Variants in IL1RAPL1 observed in about 807,000 individuals in gnomAD.
The protein encoded by IL1RAPL1 is interleukin-1 receptor accessory protein-like 1.
IL1RAPL1 carries 3 observed loss-of-function variants against 48.4 expected under a neutral mutation model. The observed-to-expected ratio is 0.06, with a 90% CI of 0.03 to 0.16. IL1RAPL1 has a LOEUF of 0.16. IL1RAPL1 is among the 10% of genes least tolerant of loss of function. The pLI is 1.00. For missense variants in IL1RAPL1, 349 were observed against 530.6 expected, an observed-to-expected ratio of 0.66 and a Z score of 3.36; for synonymous variants, 185 against 187.7, an observed-to-expected ratio of 0.99 and a Z score of 0.12.
intron 2 of IL1RAPL1, among the ~76,000 whole-genome samples, chrX:29,093,997 T>C (rs1485567790): frequency 8.9e-6 from 1 of 112,155 alleles, no homozygotes; most frequent in African/African-American, 3.2e-5. Context: ...TAATCAAGAA[T>C]GTATAAATGT....
At chrX:29,728,369 G>A (rs534757838) in intron 6 of IL1RAPL1, among the ~76,000 whole-genome samples, 6 of 111,745 alleles carry the variant, frequency 5.4e-5, no homozygotes, top group Non-Finnish European at 9.4e-5. Flanking sequence ...CTAACCTACC[G>A]TGAGATTATC....
chrX:28,820,286 A>G (rs1052373817), intron 2 of IL1RAPL1, among the ~76,000 whole-genome samples: 20 of 109,239 alleles, frequency 1.8e-4, no homozygotes, highest in Non-Finnish European at 3.2e-4. Context: ...TTAAATGACT[A>G]TTTTTGAAAA....
intron 2 of IL1RAPL1, among the ~76,000 whole-genome samples, chrX:29,282,610 A>G (rs1347198279): frequency 8.9e-6 from 1 of 112,096 alleles, no homozygotes; most frequent in Non-Finnish European, 1.9e-5. Context: ...ACATATCTCA[A>G]AGGCCCAGAT....
At chrX:29,509,171 C>T (rs1935367385) in intron 5 of IL1RAPL1, among the ~76,000 whole-genome samples, 1 of 111,779 alleles carries the variant, frequency 8.9e-6, no homozygotes, top group African/African-American at 3.3e-5. Context: ...ATCTGTACGG[C>T]AGGCTGTCAG....
At chrX:29,551,082 C>A (rs1406727164) in intron 5 of IL1RAPL1, among the ~76,000 whole-genome samples, 1 of 112,300 alleles carries the variant, frequency 8.9e-6, no homozygotes, top group African/African-American at 3.2e-5. Flanking sequence ...TTTTTGGGTA[C>A]TGGCATATTT....
At chrX:29,876,438 C>A (rs998459975) in intron 6 of IL1RAPL1, among the ~76,000 whole-genome samples, 5 of 111,330 alleles carry the variant, frequency 4.5e-5, no homozygotes, top group Admixed American at 1.9e-4. Flanking sequence ...GAGAAAATAG[C>A]AAAGAGTGAA....
At chrX:29,825,916 C>G (rs777801638) in intron 6 of IL1RAPL1, among the ~76,000 whole-genome samples, 1 of 110,999 alleles carries the variant, frequency 9.0e-6, no homozygotes, top group African/African-American at 3.3e-5. Flanking sequence ...TTCGCCGACT[C>G]GGGTTGAGAG....
intron 1 of IL1RAPL1, among the ~76,000 whole-genome samples, chrX:28,682,879 T>C (rs930881989): frequency 8.9e-6 from 1 of 112,055 alleles, no homozygotes; most frequent in Admixed American, 9.5e-5. Flanking sequence ...ACAAATATAC[T>C]TTCTAGCTCC....
intron 2 of IL1RAPL1, among the ~76,000 whole-genome samples, chrX:28,881,090 A>G (rs964576561): frequency 3.6e-5 from 4 of 111,236 alleles, no homozygotes; most frequent in Non-Finnish European, 7.6e-5. Flanking sequence ...TACTAGAGCC[A>G]GATATACTTT....
chrX:29,265,190 G>A (rs1245095969), intron 2 of IL1RAPL1, among the ~76,000 whole-genome samples: 2 of 111,018 alleles, frequency 1.8e-5, no homozygotes, highest in African/African-American at 6.5e-5. Flanking sequence ...TGGGATTACA[G>A]GCATGAGCCA....
intron 5 of IL1RAPL1, among the ~76,000 whole-genome samples, chrX:29,565,554 C>A (rs1053255633): frequency 8.9e-6 from 1 of 112,183 alleles, no homozygotes; most frequent in African/African-American, 3.2e-5. Flanking sequence ...TTCAGCTTCA[C>A]TGTTAATCAT....
rs187609501 is a variant in IL1RAPL1, at chrX:29,809,008, C to T, written c.779-108456C>T. Among the ~76,000 whole-genome samples the T allele has an allele frequency of 1.8e-3, 201 of 109,457 alleles. 1 individual carries two copies. Among genetic ancestry groups the T allele is most frequent in the African/African-American group, 6.3e-3 (190 of 30,115 alleles). On this transcript the variant is annotated intron_variant, in intron 6 of 10. Transcript: ENST00000378993. ...TTCCTGTATGACAGTCTTTGCTTTTCAACTGGAACTTTTAGTTAATTTTTA... is the reference window on the plus strand; with the variant it reads ...TTCCTGTATGACAGTCTTTGCTTTTTAACTGGAACTTTTAGTTAATTTTTA...
rs765911053 is a variant in IL1RAPL1 at position 29,956,328 on chromosome X, GA to G, written c.*530del. On this transcript the variant is annotated 3_prime_UTR_variant, in exon 11 of 11. Transcript: ENST00000378993. ...CAAATGCCAGCATTGCCATTCGGGG[GA>G]AAAAAAAAAAAAAAAAAAAAAGATG... 684 of 55,776 alleles carry G rather than the reference GA, an allele frequency of 0.012. 2 individuals carry two copies. The highest frequency in any genetic ancestry group is 0.028 in the East Asian group (49 of 1,752). The allele number at this position is 55,776 out of a possible 1,213,427, so 4.6% of individuals were successfully genotyped here.
chrX:28,768,755 C>CTCTCTCTCTCTCTCTCTCTCTCTCTCTA (rs1364972830), intron 1 of IL1RAPL1, among the ~76,000 whole-genome samples: 1 of 34,889 alleles, frequency 2.9e-5, no homozygotes, highest in Non-Finnish European at 4.8e-5. Flanking sequence ...CTCTCTCTCT[C>CTCTCTCTCTCTCTCTCTCTCTCTCTCTA]TATATATATA....
At chrX:28,818,494 G>T (rs1936894657) in intron 2 of IL1RAPL1, among the ~76,000 whole-genome samples, 1 of 110,318 alleles carries the variant, frequency 9.1e-6, no homozygotes, top group African/African-American at 3.3e-5. Flanking sequence ...GTGGCTTAGT[G>T]TAAGAATTTG....
chrX:29,398,247 C>T (rs954362892), intron 4 of IL1RAPL1, among the ~76,000 whole-genome samples: 16 of 111,843 alleles, frequency 1.4e-4, no homozygotes, highest in Admixed American at 1.4e-3. Flanking sequence ...AGAAATAACA[C>T]GAAAATTGCC....
chrX:29,477,587 T>G (rs2147743859), intron 5 of IL1RAPL1, among the ~76,000 whole-genome samples: 1 of 112,400 alleles, frequency 8.9e-6, no homozygotes, highest in East Asian at 2.8e-4. Context: ...AGTGCATCTC[T>G]ATGTCAGTCA....
chrX:29,802,744 AAATTATATATATAT>A (rs1262953047), intron 6 of IL1RAPL1, among the ~76,000 whole-genome samples: 1 of 55,473 alleles, frequency 1.8e-5, no homozygotes, highest in Non-Finnish European at 3.5e-5. Flanking sequence ...TCTGAGGAAA[AAATTATATATATAT>A]ATATATATAT....
rs140478486 is a variant in IL1RAPL1 at position 29,696,668 on chromosome X, A to G, written c.778+28164A>G. ...ATATCGTTGCTTACCGCAGTTGGTC[A>G]ACATGAGCTTGGTTTGAGAAAGGAG... On this transcript the variant is annotated intron_variant, in intron 6 of 10. Transcript: ENST00000378993. Among the ~76,000 whole-genome samples, 538 of 112,059 alleles carry G rather than the reference A, an allele frequency of 4.8e-3. 3 individuals are homozygous for G. Among genetic ancestry groups the G allele is most frequent in the African/African-American group, 0.017 (521 of 30,838 alleles).
Sources: allele counts gnomAD v4.1 joint callset (sites outside exome capture counted in the v4.1 genomes callset), GRCh38; gene constraint gnomAD v4.1.1; transcripts MANE v1.5; gene names NCBI Gene and HGNC (gene_info 2026-07-23, HGNC 2026-07-21).